Variants in ULK1 observed in about 807,000 individuals in gnomAD.
ULK1 encodes unc-51 like autophagy activating kinase 1.
Under a neutral mutation model 117.5 loss-of-function variants are expected in ULK1, and 48 were observed. The ratio of observed to expected loss-of-function variants is 0.41; its 90% CI spans 0.32 to 0.52. The LOEUF is 0.52. Among genes scored for constraint, ULK1 ranks in the 20% least tolerant of loss-of-function variants. The probability of loss-of-function intolerance (pLI) is 0.29; values close to 1 mark genes in which losing one functional copy is unlikely to be tolerated. For missense variants in ULK1, 1,387 were observed against 1,473.4 expected, an observed-to-expected ratio of 0.94 and a Z score of 0.96; for synonymous variants, 790 against 637.8, an observed-to-expected ratio of 1.24 and a Z score of -3.60.
chr12:131,912,801 C>T (rs1398759308), intron 13 of ULK1, among the ~76,000 whole-genome samples: 1 of 152,166 alleles, frequency 6.6e-6, no homozygotes, highest in Non-Finnish European at 1.5e-5. Flanking sequence ...TAGGGCAGAG[C>T]CTCCTTGGGG....
intron 3 of ULK1, chr12:131,897,314 T>A (rs1159496910): frequency 6.6e-6 from 1 of 152,134 alleles, no homozygotes; most frequent in Non-Finnish European, 1.5e-5. Context: ...AATGAACGAT[T>A]TGGGTGATAA....
In ULK1 at chr12:131,917,421, T is replaced by C. The variant is rs751100708; in HGVS notation, c.2193T>C (p.Ala731=). The C allele has an allele frequency of 2.0e-6, 3 of 1,527,866 alleles. No individual in the cohort carries two copies. The highest frequency in any genetic ancestry group is 2.0e-5 in the Admixed American group (1 of 49,526). The allele number at this position is 1,527,866 out of a possible 1,614,324, so 94.6% of individuals were successfully genotyped here. A position where few individuals can be genotyped will look rare whatever the true frequency, so the allele number is the denominator to read the frequency against. Residue 731 remains alanine, a synonymous_variant, in exon 22 of 28, where the codon GCT becomes GCC. Coordinates refer to ENST00000321867, the MANE Select transcript of ULK1 (RefSeq NM_003565.4). ...TCCTTGCTCTCCCAGCACCCTCAGC[T>C]GGCTTTGGAGGGAGCCTGCACCCAG... The part of the protein sequence containing the change: ...QEKPMEIAPS[A]GFGGSLHPGA...
chr12:131,921,267 C>T (rs766665533), intron 27 of ULK1, 32 bp downstream of exon 27: 1 of 1,608,118 alleles, frequency 6.2e-7, no homozygotes, highest in Non-Finnish European at 8.5e-7. Context: ...GGGCTGGGGA[C>T]TCTGGGCGTC....
At chr12:131,920,482 G>A (rs1890105525) in intron 26 of ULK1, 1 of 301,856 alleles carries the variant, frequency 3.3e-6, no homozygotes. Flanking sequence ...GAAGTGTGGT[G>A]CACTCAGGTG....
chr12:131,905,231 C>T (rs1889227194), intron 3 of ULK1, among the ~76,000 whole-genome samples: 1 of 152,196 alleles, frequency 6.6e-6, no homozygotes, highest in South Asian at 2.1e-4. Flanking sequence ...CACTCAGCAT[C>T]CTCGTCCAGC....
chr12:131,918,822 AGAGT>A (rs1566128984), intron 23 of ULK1, 141 bp downstream of exon 23: 74 of 19,612 alleles, frequency 3.8e-3, no homozygotes, highest in Non-Finnish European at 4.5e-3. Context: ...TGTGGGGTGT[AGAGT>A]GTGTGGGGTG....
chr12:131,910,030 G>A (rs748282900), intron 10 of ULK1, 29 bp downstream of exon 10: 1 of 1,608,924 alleles, frequency 6.2e-7, no homozygotes, highest in Non-Finnish European at 8.5e-7. Context: ...CGCAGCTGGA[G>A]TCCCCCACCC....
At chr12:131,896,393 T>TC (rs1888871841) in intron 3 of ULK1, 1 of 158,000 alleles carries the variant, frequency 6.3e-6, no homozygotes, top group Non-Finnish European at 1.4e-5. Flanking sequence ...TGCCTCCGTG[T>TC]CCCGGGGCCC....
chr12:131,906,508 C>T (rs563688159), intron 3 of ULK1: 3 of 226,836 alleles, frequency 1.3e-5, no homozygotes, highest in East Asian at 1.2e-4. Flanking sequence ...AGGTGTGAGC[C>T]ACTGCGACCA....
At chr12:131,914,560 G>C in intron 16 of ULK1, 83 bp downstream of exon 16, 1 of 1,519,026 alleles carries the variant, frequency 6.6e-7, no homozygotes, top group Non-Finnish European at 8.9e-7. Flanking sequence ...TAGAGGGACA[G>C]GGTCGTCATC....
intron 5 of ULK1, 136 bp downstream of exon 5, chr12:131,907,667 C>A: frequency 3.6e-6 from 4 of 1,123,774 alleles, no homozygotes; most frequent in Non-Finnish European, 4.9e-6. Flanking sequence ...TCTTTCTTGT[C>A]CCCCTGGGCC....
In ULK1 at chr12:131,915,381, A is replaced by C; in HGVS notation, c.1569A>C (p.Pro523=). The C allele has an allele frequency of 6.2e-7, 1 of 1,612,756 alleles. No individual in the cohort carries two copies. Among genetic ancestry groups the C allele is most frequent in the South Asian group, 1.1e-5 (1 of 91,080 alleles). The change falls in exon 18 of 28, where the codon CCA becomes CCC. Residue 523 remains proline, a synonymous_variant. Coordinates refer to ENST00000321867, the MANE Select transcript of ULK1 (RefSeq NM_003565.4). ...CAGGCTGGAGCGGGACGCCCTCCCC[A>C]CAGGGAGCTGAGATGCGGGGTGGCA... The part of the protein sequence containing the change: ...ERPGWSGTPS[P]QGAEMRGGRS...
Position 131,906,898 on chromosome 12 carries a change from G to T in ULK1, c.253G>T (p.Ala85Ser). 1 of 1,614,092 alleles carries T rather than the reference G, an allele frequency of 6.2e-7. No homozygotes were observed. The change falls in exon 4 of 28, where the codon GCT becomes TCT. Residue 85 changes from alanine to serine, a missense_variant. Physicochemically the swap from Ala to Ser is moderately conservative, Grantham distance 99. This residue lies in a region of ULK1 where 224 missense variants were observed against 325.2 expected (regional missense o/e 0.69). Transcript: ENST00000321867. ...CCTCTTTTCTGTCTTGCAGGAAATG[G>T]CTAATTCTGTCTACCTGGTTATGGA... ...IVALYDFQEM[A>S]NSVYLVMEYC...
At position 131,915,432 on chromosome 12, in the gene ULK1, T is replaced by C. The variant is rs774919972; in HGVS notation, c.1609+11T>C. 6.8e-6 allele frequency: 11 copies of C among 1,611,568 alleles called. No homozygotes were observed. Among genetic ancestry groups the C allele is most frequent in the Non-Finnish European group, 9.3e-6 (11 of 1,179,766 alleles). On this transcript the variant is annotated intron_variant, in intron 18 of 27. Coordinates refer to ENST00000321867, the MANE Select transcript of ULK1 (RefSeq NM_003565.4). ...GGTCCCCTCGTCCAGGTGGGTGCAG[T>C]CCGGAGGGGGGAGGGGGTGCTAGGC...
At chr12:131,914,754 C>T (rs999554302) in intron 16 of ULK1, among the ~76,000 whole-genome samples, 2 of 152,176 alleles carry the variant, frequency 1.3e-5, no homozygotes, top group Non-Finnish European at 2.9e-5. Context: ...GAAAGGGTAC[C>T]TTTCTTTTAA....
In ULK1 at chr12:131,907,505, G is replaced by T; in HGVS notation, c.290G>T (p.Gly97Val). ...TCTGGTCTCTTGCAGTACTGCAACG[G>T]TGGGGACCTGGCCGACTACCTGCAC... ...SVYLVMEYCN[G>V]GDLADYLHAM... Residue 97 changes from glycine (G) to valine (V), a missense_variant, in exon 5 of 28, where the codon GGT (glycine) becomes GTT (valine). Physicochemically the swap from Gly to Val is moderately radical, Grantham distance 109. This residue lies in a region of ULK1 where 224 missense variants were observed against 325.2 expected (regional missense o/e 0.69). Transcript: ENST00000321867. 6.2e-7 allele frequency: 1 copy of T among 1,612,672 alleles called. No homozygotes were observed.
rs917750715 is a variant in ULK1, at chr12:131,895,151, TCCCCTG to T, written c.111+47_111+52del. The T allele has an allele frequency of 6.8e-6, 9 of 1,320,022 alleles. No homozygotes were observed. In the Admixed American group the frequency reaches 2.4e-4, roughly 35 times the overall value. 81.8% of individuals were successfully genotyped at this position (1,320,022 alleles called of 1,614,324 possible). On this transcript the variant is annotated intron_variant, in intron 1 of 27. Transcript: ENST00000321867. The stretch of plus-strand genomic sequence containing the variant: ...CCGGCCCGGGATCCCCCGCCCAGGA[TCCCCTG>T]CCCCTGCATCCCCGCCCCGAGATTC...
intron 3 of ULK1, among the ~76,000 whole-genome samples, chr12:131,900,630 G>A (rs1593259226): frequency 6.7e-6 from 1 of 149,200 alleles, no homozygotes; most frequent in Admixed American, 6.7e-5. Context: ...TGGCCTTGCT[G>A]ATGGTGGCCC....
At chr12:131,896,856 A>C (rs1476071903) in intron 3 of ULK1, 1 of 152,286 alleles carries the variant, frequency 6.6e-6, no homozygotes, top group Non-Finnish European at 1.5e-5. Context: ...GGGAGCCAGC[A>C]AGGAGTGGAC....
Sources: gnomAD v4.1 joint callset for allele counts (sites outside exome capture counted in the v4.1 genomes callset) on GRCh38, gnomAD v4.1.1 for gene constraint, gnomAD v4.1.1 regional missense constraint, MANE v1.5 for transcripts, NCBI Gene and HGNC (gene_info 2026-07-23, HGNC 2026-07-21) for gene names.